The following GPR137B variants were observed in gnomAD, a reference collection of about 807,000 sequenced individuals.
GPR137B encodes G protein-coupled receptor 137B, also known as integral membrane protein GPR137B.
In GPR137B, 42 loss-of-function variants were observed where a neutral mutation model predicts 42.5. That is an observed-to-expected ratio of 0.99 (90% CI 0.77 to 1.28). The LOEUF (loss-of-function observed/expected upper bound fraction) is 1.28. GPR137B is among the 50% of genes most tolerant of loss of function. The pLI is 0.00. For synonymous variants in GPR137B, 218 were observed against 209.7 expected (o/e 1.04, Z -0.34); for missense variants, 487 against 493.9 (o/e 0.99, Z 0.13).
chr1:236,146,379 G>T (rs1661683039), intron 1 of GPR137B, among the ~76,000 whole-genome samples: 1 of 152,210 alleles, frequency 6.6e-6, no homozygotes, highest in South Asian at 2.1e-4. Flanking sequence ...GCTGGGTGGG[G>T]AGGAAGAGAG....
intron 2 of GPR137B, among the ~76,000 whole-genome samples, chr1:236,175,650 A>T (rs1427928570): frequency 1.3e-5 from 2 of 152,086 alleles, no homozygotes; most frequent in Admixed American, 1.3e-4. Flanking sequence ...CCTTTGGCCC[A>T]TACCCCCCTC....
chr1:236,208,717 C>T lies in GPR137B; in HGVS notation c.*559C>T. 1.0e-6 allele frequency: 1 copy of T among 984,642 alleles called. No individual in the cohort carries two copies. The highest frequency in any genetic ancestry group is 4.7e-5 in the South Asian group (1 of 21,242). 61.0% of individuals were successfully genotyped at this position (984,642 alleles called of 1,614,324 possible). ...TAATTAAAATGAAATGGTAAAGCAGCAGACTGTAAGGTCTTTAGAGATTTT... is the reference window on the plus strand; with the variant it reads ...TAATTAAAATGAAATGGTAAAGCAGTAGACTGTAAGGTCTTTAGAGATTTT... On this transcript the variant is annotated 3_prime_UTR_variant, in exon 7 of 7. Transcript: ENST00000366592.
intron 1 of GPR137B, among the ~76,000 whole-genome samples, chr1:236,166,263 T>G (rs1662349270): frequency 6.6e-6 from 1 of 151,976 alleles, no homozygotes; most frequent in Non-Finnish European, 1.5e-5. Context: ...CATGTATTAA[T>G]CTATTTCTTG....
chr1:236,193,979 C>A (rs978845858), intron 5 of GPR137B, among the ~76,000 whole-genome samples: 9 of 152,190 alleles, frequency 5.9e-5, no homozygotes, highest in African/African-American at 2.2e-4. Flanking sequence ...GTTCAACTTA[C>A]AATTTTTCAA....
intron 1 of GPR137B, among the ~76,000 whole-genome samples, chr1:236,164,198 C>G (rs1201062081): frequency 1.3e-5 from 2 of 152,232 alleles, no homozygotes; most frequent in African/African-American, 2.4e-5. Context: ...TTGGGTCCAA[C>G]CCAGGGTCTG....
At chr1:236,201,917 T>A (rs1023293004) in intron 5 of GPR137B, among the ~76,000 whole-genome samples, 4 of 152,016 alleles carry the variant, frequency 2.6e-5, no homozygotes, top group African/African-American at 9.7e-5. Context: ...AAGCTGCTGG[T>A]CAGATTCTTT....
chr1:236,202,870 T>G (rs1038411445), intron 5 of GPR137B, among the ~76,000 whole-genome samples: 1 of 152,144 alleles, frequency 6.6e-6, no homozygotes, highest in Non-Finnish European at 1.5e-5. Context: ...TTAATCCATT[T>G]TTTTTGATTT....
chr1:236,195,223 C>CA (rs1663298519), intron 5 of GPR137B, among the ~76,000 whole-genome samples: 2 of 144,134 alleles, frequency 1.4e-5, no homozygotes, highest in South Asian at 4.5e-4. Flanking sequence ...CACTAAAATT[C>CA]TTTTTTTTTT....
At chr1:236,179,316 GGTCT>G (rs1196083912) in intron 3 of GPR137B, among the ~76,000 whole-genome samples, 2 of 152,144 alleles carry the variant, frequency 1.3e-5, no homozygotes, top group Non-Finnish European at 1.5e-5. Flanking sequence ...TTGAGCCAGG[GGTCT>G]TTTAACTGTC....
intron 3 of GPR137B, 27 bp downstream of exon 3, chr1:236,178,663 T>C (rs1224706947): frequency 2.2e-6 from 3 of 1,370,490 alleles, no homozygotes; most frequent in Non-Finnish European, 3.1e-6. Context: ...TCAAGATCCC[T>C]CCCATGAAAC....
chr1:236,151,419 T>C (rs971055261), intron 1 of GPR137B, among the ~76,000 whole-genome samples: 13,763 of 89,374 alleles, frequency 0.15, 852 homozygotes, highest in African/African-American at 0.28. Flanking sequence ...TGCATATTCA[T>C]TTTTTTTTTT....
At chr1:236,197,810 T>A (rs1663381997) in intron 5 of GPR137B, among the ~76,000 whole-genome samples, 1 of 152,168 alleles carries the variant, frequency 6.6e-6, no homozygotes. Context: ...AACCTCCGCC[T>A]CCCAGGTTCA....
intron 2 of GPR137B, among the ~76,000 whole-genome samples, chr1:236,175,296 T>C (rs952956489): frequency 5.3e-5 from 8 of 152,042 alleles, no homozygotes; most frequent in African/African-American, 1.7e-4. Context: ...GCTGAGTAAG[T>C]GGAGGAGGAG....
intron 1 of GPR137B, among the ~76,000 whole-genome samples, chr1:236,159,633 GA>G (rs1295149334): frequency 6.6e-5 from 10 of 151,664 alleles, no homozygotes; most frequent in African/African-American, 1.2e-4. Context: ...AAAAAGAAAA[GA>G]AAAAAAATAG....
At chr1:236,145,833 GCTGT>G (rs1290581281) in intron 1 of GPR137B, among the ~76,000 whole-genome samples, 4 of 152,298 alleles carry the variant, frequency 2.6e-5, no homozygotes, top group Admixed American at 6.5e-5. Context: ...ACACATCTGT[GCTGT>G]CTGAGTGTGA....
intron 5 of GPR137B, among the ~76,000 whole-genome samples, chr1:236,192,396 ACCT>A (rs952397911): frequency 3.3e-5 from 5 of 150,618 alleles, no homozygotes; most frequent in Non-Finnish European, 5.9e-5. Context: ...AAAACAAAAA[ACCT>A]CCTGCAGCTG....
intron 5 of GPR137B, among the ~76,000 whole-genome samples, chr1:236,193,303 T>C (rs1663247654): frequency 6.6e-6 from 1 of 152,196 alleles, no homozygotes; most frequent in Admixed American, 6.5e-5. Context: ...ATTTCCACCA[T>C]TTGGCTATGA....
chr1:236,157,125 A>C (rs1169768530), intron 1 of GPR137B, among the ~76,000 whole-genome samples: 3 of 152,058 alleles, frequency 2.0e-5, no homozygotes, highest in Non-Finnish European at 4.4e-5. Flanking sequence ...CAGGTGAGGT[A>C]CTTGAGGCAC....
chr1:236,167,911 T>G (rs1010456777), intron 1 of GPR137B, among the ~76,000 whole-genome samples: 7 of 152,240 alleles, frequency 4.6e-5, no homozygotes, highest in African/African-American at 1.4e-4. Flanking sequence ...CCAGTGTGTG[T>G]GGGCAATCCA....
Sources: gnomAD v4.1 joint callset for allele counts (sites outside exome capture counted in the v4.1 genomes callset) on GRCh38, gnomAD v4.1.1 for gene constraint, MANE v1.5 for transcripts, NCBI Gene and HGNC (gene_info 2026-07-23, HGNC 2026-07-21) for gene names.